The following ZNF618 variants were observed in gnomAD, a reference collection of about 807,000 sequenced individuals.
ZNF618 encodes neural precursor cell expressed, developmentally down-regulated 10.
Under a neutral mutation model 103.0 loss-of-function variants are expected in ZNF618, and 34 were observed. That is an observed-to-expected ratio of 0.33 (90% confidence interval 0.25 to 0.44). The LOEUF (loss-of-function observed/expected upper bound fraction) is 0.44. Ranked by LOEUF, ZNF618 falls within the 20% of genes least tolerant of loss-of-function variation. The pLI, the probability that ZNF618 is intolerant of heterozygous loss-of-function variation, is 1.00. For missense variants in ZNF618, 1,059 were observed against 1,295.4 expected (o/e 0.82, Z 2.80); for synonymous variants, 551 against 542.2 (o/e 1.02, Z -0.23).
At chr9:113,886,138 C>T (rs1381381176) in intron 1 of ZNF618, among the ~76,000 whole-genome samples, 2 of 152,298 alleles carry the variant, frequency 1.3e-5, no homozygotes, top group East Asian at 1.9e-4. Context: ...GCCTGAGTAT[C>T]TCTTGGCAAG....
chr9:114,003,630 A>G (rs1260468509), intron 6 of ZNF618, among the ~76,000 whole-genome samples: 2 of 152,254 alleles, frequency 1.3e-5, no homozygotes, highest in Admixed American at 1.3e-4. Flanking sequence ...AAGATTCTGC[A>G]TAGAGAAAGG....
chr9:114,032,113 T>G (rs2134244121), intron 11 of ZNF618, among the ~76,000 whole-genome samples: 1 of 152,298 alleles, frequency 6.6e-6, no homozygotes, highest in East Asian at 1.9e-4. Flanking sequence ...GGGTTTGGCC[T>G]CTGGGGGTGT....
chr9:113,914,176 C>T (rs193076152), intron 1 of ZNF618, among the ~76,000 whole-genome samples: 12 of 152,236 alleles, frequency 7.9e-5, no homozygotes, highest in Middle Eastern at 3.4e-3. Context: ...GTTGCTCCCC[C>T]GGTTCTTTCT....
At chr9:114,028,558 C>G in intron 10 of ZNF618, 175 bp from the exon 11 acceptor site, 1 of 1,009,910 alleles carries the variant, frequency 9.9e-7, no homozygotes, top group East Asian at 2.6e-5. Flanking sequence ...CAGAAGGTTC[C>G]AGACTCCTGG....
intron 3 of ZNF618, 87 bp downstream of exon 3, chr9:113,988,667 GC>G: frequency 1.4e-6 from 2 of 1,471,754 alleles, no homozygotes; most frequent in East Asian, 4.9e-5. Context: ...TGGCGCCTCT[GC>G]CCCCTTCCTG....
At chr9:113,979,392 T>C (rs1588217228) in intron 2 of ZNF618, among the ~76,000 whole-genome samples, 2 of 152,164 alleles carry the variant, frequency 1.3e-5, no homozygotes, top group African/African-American at 4.8e-5. Flanking sequence ...GTGTGTTACA[T>C]TTTAGAAATT....
At chr9:113,901,565 C>T (rs1011467792) in intron 1 of ZNF618, among the ~76,000 whole-genome samples, 2 of 152,216 alleles carry the variant, frequency 1.3e-5, no homozygotes, top group Admixed American at 1.3e-4. Flanking sequence ...TGGGCTTTTC[C>T]GGGACATGCT....
intron 1 of ZNF618, among the ~76,000 whole-genome samples, chr9:113,968,078 C>CA (rs1237821562): frequency 6.6e-6 from 1 of 152,014 alleles, no homozygotes; most frequent in African/African-American, 2.4e-5. Flanking sequence ...TCCTGAAATT[C>CA]AAAAAAACTC....
At chr9:113,966,693 G>A (rs1837434827) in intron 1 of ZNF618, among the ~76,000 whole-genome samples, 1 of 152,176 alleles carries the variant, frequency 6.6e-6, no homozygotes, top group African/African-American at 2.4e-5. Flanking sequence ...TGACACATGT[G>A]TCTTGGACAT....
At chr9:113,916,970 T>A (rs1440633860) in intron 1 of ZNF618, among the ~76,000 whole-genome samples, 1 of 152,148 alleles carries the variant, frequency 6.6e-6, no homozygotes, top group Non-Finnish European at 1.5e-5. Context: ...GCCAAGCCTT[T>A]GGGCGGCTAA....
chr9:113,907,663 G>A (rs1404320580), intron 1 of ZNF618, among the ~76,000 whole-genome samples: 1 of 152,178 alleles, frequency 6.6e-6, no homozygotes, highest in African/African-American at 2.4e-5. Flanking sequence ...CCCCCCGCAT[G>A]AGAGGCCCCT....
chr9:113,991,100 A>C (rs933889556), intron 3 of ZNF618, among the ~76,000 whole-genome samples: 3 of 152,152 alleles, frequency 2.0e-5, no homozygotes, highest in South Asian at 2.1e-4. Flanking sequence ...CAGTGGGGAA[A>C]GCTCTGGGCA....
intron 2 of ZNF618, among the ~76,000 whole-genome samples, chr9:113,979,481 T>C (rs1164072896): frequency 2.0e-5 from 3 of 152,238 alleles, no homozygotes; most frequent in Non-Finnish European, 4.4e-5. Flanking sequence ...GAAAATTGGC[T>C]TCTGTGAAAC....
At chr9:113,977,965 C>G (rs1275450986) in intron 2 of ZNF618, among the ~76,000 whole-genome samples, 1 of 152,142 alleles carries the variant, frequency 6.6e-6, no homozygotes, top group Non-Finnish European at 1.5e-5. Context: ...TGACACCGTA[C>G]AATGAGGAAA....
At chr9:113,984,378 A>G (rs1007971355) in intron 2 of ZNF618, among the ~76,000 whole-genome samples, 2 of 152,114 alleles carry the variant, frequency 1.3e-5, no homozygotes, top group Non-Finnish European at 2.9e-5. Context: ...ATGGAAATGC[A>G]CTCTGTGCCC....
In ZNF618 at chr9:114,002,009, C is replaced by A; in HGVS notation, c.447C>A (p.Cys149Ter). Residue 149 changes from cysteine (C) to a stop codon, truncating the protein, a stop_gained, in exon 5 of 15, where the codon TGC becomes TGA. Transcript: ENST00000374126. LOFTEE classifies it high-confidence loss of function. Reference protein sequence around the residue: ...ALRYASGSYECGICGKKYKYY... With the variant: ...ALRYASGSYE ...TCTGTTTTCCAGGGTCTTACGAATGCGGAATCTGTGGCAAGAAGTACAAGT... is the reference window on the plus strand; with the variant it reads ...TCTGTTTTCCAGGGTCTTACGAATGAGGAATCTGTGGCAAGAAGTACAAGT... 1 of 1,613,878 alleles carries A rather than the reference C, an allele frequency of 6.2e-7. No individual in the cohort carries two copies. The highest frequency in any genetic ancestry group is 8.5e-7 in the Non-Finnish European group (1 of 1,179,816).
intron 12 of ZNF618, among the ~76,000 whole-genome samples, chr9:114,035,556 T>C (rs1006540760): frequency 6.6e-6 from 1 of 152,096 alleles, no homozygotes; most frequent in Non-Finnish European, 1.5e-5. Flanking sequence ...GCCGTCTTTT[T>C]CTTCTTTTCC....
intron 1 of ZNF618, among the ~76,000 whole-genome samples, chr9:113,960,813 C>T (rs902416370): frequency 2.6e-5 from 4 of 152,232 alleles, no homozygotes; most frequent in African/African-American, 4.8e-5. Flanking sequence ...AAAGATCAAA[C>T]CATTGTTCCT....
intron 13 of ZNF618, among the ~76,000 whole-genome samples, chr9:114,045,800 T>C (rs769653375): frequency 2.3e-4 from 35 of 151,812 alleles, no homozygotes; most frequent in Non-Finnish European, 4.0e-4. Context: ...TCTAGATGAG[T>C]TGGGACATTC....
Sources: allele counts gnomAD v4.1 joint callset (sites outside exome capture counted in the v4.1 genomes callset), GRCh38; gene constraint gnomAD v4.1.1; transcripts MANE v1.5; gene names NCBI Gene and HGNC (gene_info 2026-07-23, HGNC 2026-07-21).